FCRL5: variants seen among roughly 807,000 people sequenced by gnomAD.
FCRL5 encodes Fc receptor-like protein 5.
In FCRL5, 79 loss-of-function variants were observed where a neutral mutation model predicts 92.1. The observed-to-expected ratio is 0.86, with a 90% CI of 0.72 to 1.03. The LOEUF is 1.03. Ranked by LOEUF, FCRL5 falls within the 50% of genes least tolerant of loss-of-function variation. FCRL5 has a pLI of 0.00. For synonymous variants in FCRL5, 466 were observed against 469.3 expected, an observed-to-expected ratio of 0.99 and a Z score of 0.09; for missense variants, 1,160 against 1,181.1, an observed-to-expected ratio of 0.98 and a Z score of 0.26.
At chr1:157,549,947 T>C (rs945948760) in intron 1 of FCRL5, among the ~76,000 whole-genome samples, 7 of 151,946 alleles carry the variant, frequency 4.6e-5, no homozygotes, top group Non-Finnish European at 7.4e-5. Flanking sequence ...GTAGGATATA[T>C]GTGTGTGTGT....
intron 7 of FCRL5, among the ~76,000 whole-genome samples, chr1:157,537,913 A>G (rs969915807): frequency 2.8e-4 from 43 of 152,148 alleles, no homozygotes; most frequent in African/African-American, 1.0e-3. Context: ...GCCACCAGGT[A>G]CTTCTAAACT....
intron 12 of FCRL5, 66 bp from the exon 13 acceptor site, chr1:157,519,836 G>T: frequency 2.0e-6 from 3 of 1,530,776 alleles, no homozygotes; most frequent in Non-Finnish European, 2.7e-6. Context: ...CACAGCTCAG[G>T]CAAGGCTCAC....
At position 157,527,650 on chromosome 1, in the gene FCRL5, G is replaced by T; in HGVS notation, c.1927C>A (p.Gln643Lys). 1 of 1,613,410 alleles carries T rather than the reference G, an allele frequency of 6.2e-7. No homozygotes were observed. Among genetic ancestry groups the T allele is most frequent in the South Asian group, 1.1e-5 (1 of 90,952 alleles). The change falls in exon 9 of 17, where the codon CAG becomes AAG. Residue 643 changes from glutamine (Q) to lysine (K), a missense_variant. Transcript: ENST00000361835. Reference protein sequence around the residue: ...SCEANNGLVAQHSDTISLSVI... With the variant: ...SCEANNGLVAKHSDTISLSVI... ...CTGAGTGATATTGTGTCACTGTGCT[G>T]GGCCACTAGGCCATTGTTGGCCTCA...
intron 9 of FCRL5, among the ~76,000 whole-genome samples, chr1:157,525,705 T>C (rs1388853555): frequency 6.6e-6 from 1 of 152,108 alleles, no homozygotes; most frequent in Non-Finnish European, 1.5e-5. Context: ...CCAAGAAATA[T>C]TTAGGAAGTC....
chr1:157,548,883 C>A (rs1265683998), intron 2 of FCRL5, among the ~76,000 whole-genome samples: 1 of 152,130 alleles, frequency 6.6e-6, no homozygotes, highest in Non-Finnish European at 1.5e-5. Flanking sequence ...GTGGCGATTC[C>A]TCAGGGATCT....
intron 6 of FCRL5, chr1:157,542,125 C>A: frequency 6.6e-6 from 1 of 152,430 alleles, no homozygotes; most frequent in Non-Finnish European, 1.5e-5. Context: ...ACTGGACTCT[C>A]TGTCACCAGT....
At chr1:157,535,247 C>A (rs1650916933) in intron 7 of FCRL5, among the ~76,000 whole-genome samples, 1 of 152,232 alleles carries the variant, frequency 6.6e-6, no homozygotes, top group Non-Finnish European at 1.5e-5. Flanking sequence ...GCAGGCTTCC[C>A]TGCAACCATG....
chr1:157,546,980 G>T lies in FCRL5; in HGVS notation c.270C>A (p.Ser90=). ...SGEYRCQAQG[S]PLSSPVHLDF... Reference sequence around the variant, plus strand: ...CCAAGTGCACAGGGCTACTGAGAGGGGAGCCCTGGGCCTGGCATCTGTACT... The same window carrying T: ...CCAAGTGCACAGGGCTACTGAGAGGTGAGCCCTGGGCCTGGCATCTGTACT... The change falls in exon 3 of 17, where the codon TCC becomes TCA. Residue 90 remains serine, a synonymous_variant. Coordinates refer to ENST00000361835, the MANE Select transcript of FCRL5 (RefSeq NM_031281.3). The T allele has an allele frequency of 6.2e-7, 1 of 1,614,164 alleles. No homozygotes were observed. Among genetic ancestry groups the T allele is most frequent in the Non-Finnish European group, 8.5e-7 (1 of 1,180,022 alleles).
intron 15 of FCRL5, among the ~76,000 whole-genome samples, chr1:157,516,982 G>A (rs1305788859): frequency 1.3e-5 from 2 of 152,188 alleles, no homozygotes; most frequent in African/African-American, 4.8e-5. Flanking sequence ...AACCAAGAAT[G>A]AGGCACAAAC....
Position 157,547,027 on chromosome 1 carries a change from G to A in FCRL5, c.223C>T (p.Leu75Phe). Reference sequence around the variant, plus strand: ...TACTCTCCAGATTCCTGAACCTCAAGGATATTGTCTGGGGTTTCTCTTAGT... The same window carrying A: ...TACTCTCCAGATTCCTGAACCTCAAAGATATTGTCTGGGGTTTCTCTTAGT... ...EILRETPDNI[L>F]EVQESGEYRC... The change falls in exon 3 of 17, where the codon CTT (leucine) becomes TTT (phenylalanine). Residue 75 changes from leucine (L) to phenylalanine (F), a missense_variant. Physicochemically the swap from Leu to Phe is conservative, Grantham distance 22. Coordinates refer to ENST00000361835, the MANE Select transcript of FCRL5 (RefSeq NM_031281.3). The A allele has an allele frequency of 6.2e-7, 1 of 1,614,166 alleles. No individual in the cohort carries two copies. Among genetic ancestry groups the A allele is most frequent in the Non-Finnish European group, 8.5e-7 (1 of 1,180,020 alleles).
At chr1:157,519,530 G>C (rs1650082172) in intron 13 of FCRL5, among the ~76,000 whole-genome samples, 1 of 152,192 alleles carries the variant, frequency 6.6e-6, no homozygotes, top group Admixed American at 6.5e-5. Flanking sequence ...ATTAATACTT[G>C]ATGAGATAAC....
At chr1:157,540,914 G>A (rs1651231150) in intron 6 of FCRL5, among the ~76,000 whole-genome samples, 1 of 152,170 alleles carries the variant, frequency 6.6e-6, no homozygotes, top group Non-Finnish European at 1.5e-5. Flanking sequence ...ATTGAGGTGG[G>A]TATTATTGTT....
At chr1:157,520,835 C>T (rs1296083116) in intron 11 of FCRL5, among the ~76,000 whole-genome samples, 182 bp downstream of exon 11, 1 of 152,240 alleles carries the variant, frequency 6.6e-6, no homozygotes, top group South Asian at 2.1e-4. Flanking sequence ...CGCCAACCCG[C>T]GCTCTCAGCC....
intron 8 of FCRL5, chr1:157,531,972 A>G (rs1422925932): frequency 6.6e-6 from 1 of 152,192 alleles, no homozygotes; most frequent in Non-Finnish European, 1.5e-5. Flanking sequence ...GAGGCTTTTG[A>G]ATGTTTTTAT....
chr1:157,518,689 T>C lies in FCRL5; in HGVS notation c.2743+11A>G, dbSNP rs1256083889. The C allele has an allele frequency of 6.2e-7, 1 of 1,607,700 alleles. No individual in the cohort carries two copies. The highest frequency in any genetic ancestry group is 2.2e-5 in the East Asian group (1 of 44,854). On this transcript the variant is annotated intron_variant, in intron 14 of 16. Transcript: ENST00000361835. Reference sequence around the variant, plus strand: ...CCAGCTTCTGCCAAATGCAGGATCCTCGGGCCTCACCATTAGTGTACACTG... The same window carrying C: ...CCAGCTTCTGCCAAATGCAGGATCCCCGGGCCTCACCATTAGTGTACACTG...
chr1:157,547,122 G>A lies in FCRL5; in HGVS notation c.128C>T (p.Thr43Ile), dbSNP rs1403947782. Reference protein sequence around the residue: ...TVFQGERVTLTCKGFRFYSPQ... With the variant: ...TVFQGERVTLICKGFRFYSPQ... ...TGAGTAGAAGCGAAATCCCTTGCAAGTGAGGGTCACTCTCTCTCCTTGGAA... is the reference window on the plus strand; with the variant it reads ...TGAGTAGAAGCGAAATCCCTTGCAAATGAGGGTCACTCTCTCTCCTTGGAA... The change falls in exon 3 of 17, where the codon ACT becomes ATT. Residue 43 changes from threonine to isoleucine, a missense_variant. Transcript: ENST00000361835. The A allele has an allele frequency of 6.2e-7, 1 of 1,614,144 alleles. No individual in the cohort carries two copies. The highest frequency in any genetic ancestry group is 8.5e-7 in the Non-Finnish European group (1 of 1,180,006).
intron 6 of FCRL5, among the ~76,000 whole-genome samples, chr1:157,540,730 A>C (rs1007081115): frequency 1.3e-5 from 2 of 152,118 alleles, no homozygotes; most frequent in African/African-American, 2.4e-5. Context: ...ACTAAAGTGG[A>C]TTTTCATGTT....
At chr1:157,523,554 C>G (rs1650294002) in intron 10 of FCRL5, among the ~76,000 whole-genome samples, 1 of 152,208 alleles carries the variant, frequency 6.6e-6, no homozygotes, top group African/African-American at 2.4e-5. Context: ...CACCAGTTCT[C>G]TCTAAACAGA....
At chr1:157,521,679 G>C (rs1427529240) in intron 10 of FCRL5, 1 of 156,424 alleles carries the variant, frequency 6.4e-6, no homozygotes, top group African/African-American at 2.4e-5. Flanking sequence ...TATGCCCTTG[G>C]TGGTAATACA....
Sources: gnomAD v4.1 joint callset for allele counts (sites outside exome capture counted in the v4.1 genomes callset) on GRCh38, gnomAD v4.1.1 for gene constraint, MANE v1.5 for transcripts, NCBI Gene and HGNC (gene_info 2026-07-23, HGNC 2026-07-21) for gene names.